GDA: variants seen among roughly 807,000 people sequenced by gnomAD.
The protein encoded by GDA is guanine deaminase, also known as cytoplasmic PSD-95 interactor.
GDA carries 18 observed loss-of-function variants against 59.6 expected under a neutral mutation model. The observed-to-expected ratio is 0.30, with a 90% CI of 0.21 to 0.45. GDA has a LOEUF of 0.45. Ranked by LOEUF, GDA falls within the 20% of genes least tolerant of loss-of-function variation. The pLI, the probability that GDA is intolerant of heterozygous loss-of-function variation, is 1.00. For synonymous variants in GDA, 201 were observed against 201.1 expected, an observed-to-expected ratio of 1.00 and a Z score of 0.00; for missense variants, 427 against 552.3, an observed-to-expected ratio of 0.77 and a Z score of 2.27.
At chr9:72,146,743 C>T (rs375732960), upstream of GDA, among the ~76,000 whole-genome samples, 1 of 152,202 alleles carries the variant, frequency 6.6e-6, no homozygotes, top group Middle Eastern at 3.2e-3. Flanking sequence ...CCGCCCTCCT[C>T]AGCCTCCCAA....
intron 1 of GDA, among the ~76,000 whole-genome samples, chr9:72,178,543 G>A (rs775097903): frequency 6.7e-6 from 1 of 149,924 alleles, no homozygotes. Context: ...CTAGCCTCCC[G>A]AGTAGCTGGG....
At chr9:72,242,101 T>A (rs1423065878) in intron 11 of GDA, among the ~76,000 whole-genome samples, 3 of 152,216 alleles carry the variant, frequency 2.0e-5, no homozygotes, top group Admixed American at 6.5e-5. Flanking sequence ...ACAAGAAGCC[T>A]GAGTGAGGCT....
intron 2 of GDA, among the ~76,000 whole-genome samples, chr9:72,197,093 G>A (rs1156888228): frequency 1.3e-5 from 2 of 152,138 alleles, no homozygotes; most frequent in East Asian, 1.9e-4. Flanking sequence ...ATTGAACTAG[G>A]AATGAAAATA....
chr9:72,187,865 G>C (rs552970438), intron 1 of GDA, among the ~76,000 whole-genome samples: 5 of 152,308 alleles, frequency 3.3e-5, no homozygotes, highest in African/African-American at 7.2e-5. Context: ...TGAGAAACAA[G>C]GTATTGGAAA....
chr9:72,187,314 A>T (rs1428469808), intron 1 of GDA, among the ~76,000 whole-genome samples: 2 of 152,158 alleles, frequency 1.3e-5, no homozygotes, highest in East Asian at 3.9e-4. Context: ...TCATAAATGG[A>T]TTAATCTTGT....
intron 1 of GDA, among the ~76,000 whole-genome samples, chr9:72,133,308 A>AAAAAAAAAAAAAT (rs767205305): frequency 3.0e-5 from 3 of 101,558 alleles, no homozygotes; most frequent in Non-Finnish European, 4.2e-5. Context: ...AAAAAAAAAA[A>AAAAAAAAAAAAAT]AATAATAATA....
intron 1 of GDA, among the ~76,000 whole-genome samples, chr9:72,121,764 A>G (rs1825670135): frequency 6.6e-6 from 1 of 152,098 alleles, no homozygotes; most frequent in Admixed American, 6.5e-5. Context: ...GCACATCTCA[A>G]CGCATGGAAG....
chr9:72,192,185 T>G (rs1435867396), intron 1 of GDA, among the ~76,000 whole-genome samples: 1 of 151,522 alleles, frequency 6.6e-6, no homozygotes, highest in Non-Finnish European at 1.5e-5. Context: ...TTTATTCTTT[T>G]TATTTTTGTC....
rs76776202 is a variant in GDA, at chr9:72,214,222, C to T, written c.578+231C>T. On this transcript the variant is annotated intron_variant, in intron 5 of 13. Transcript: ENST00000358399. ...AAGAGCTTTCCTTTGTAGTGCCACACTTGATCCTCATAGAAATCTCCATGA... is the reference window on the plus strand; with the variant it reads ...AAGAGCTTTCCTTTGTAGTGCCACATTTGATCCTCATAGAAATCTCCATGA... Among the ~76,000 whole-genome samples, 1,149 of 152,258 alleles carry T rather than the reference C, an allele frequency of 7.5e-3. 12 individuals are homozygous for T. The highest frequency in any genetic ancestry group is 0.027 in the African/African-American group (1,103 of 41,570).
At chr9:72,185,105 T>C (rs972030733) in intron 1 of GDA, among the ~76,000 whole-genome samples, 1 of 152,256 alleles carries the variant, frequency 6.6e-6, no homozygotes, top group African/African-American at 2.4e-5. Context: ...CATTTGCTAC[T>C]ATATTGTCTA....
chr9:72,135,624 G>C (rs893236440), intron 1 of GDA, among the ~76,000 whole-genome samples: 1 of 152,096 alleles, frequency 6.6e-6, no homozygotes, highest in African/African-American at 2.4e-5. Context: ...CCTCGATCAA[G>C]CTCTTGTGAC....
At chr9:72,118,874 T>C (rs918764161) in intron 1 of GDA, among the ~76,000 whole-genome samples, 10 of 152,228 alleles carry the variant, frequency 6.6e-5, no homozygotes, top group African/African-American at 2.4e-4. Context: ...TCTGCTTTCC[T>C]ACGCCTCAGG....
At chr9:72,151,590 AT>A (rs200048097) in intron 1 of GDA, among the ~76,000 whole-genome samples, 56 of 148,798 alleles carry the variant, frequency 3.8e-4, no homozygotes, top group African/African-American at 1.1e-3. Context: ...ATGATCTGTA[AT>A]TTTTTTTTTG....
intron 1 of GDA, among the ~76,000 whole-genome samples, chr9:72,133,098 G>A (rs1380547040): frequency 1.3e-5 from 2 of 151,506 alleles, no homozygotes; most frequent in African/African-American, 2.4e-5. Flanking sequence ...AGACCATCCC[G>A]GCCAACATCG....
upstream of GDA, among the ~76,000 whole-genome samples, chr9:72,148,523 A>G (rs538951043): frequency 2.0e-5 from 3 of 152,262 alleles, no homozygotes; most frequent in East Asian, 3.9e-4. Context: ...TTTGAGACAA[A>G]TCAGTGGTGA....
intron 1 of GDA, among the ~76,000 whole-genome samples, chr9:72,154,945 C>T (rs936905084): frequency 3.3e-5 from 5 of 152,194 alleles, no homozygotes; most frequent in Admixed American, 1.3e-4. Flanking sequence ...AAATACTGCC[C>T]TGCCCTCTTG....
At chr9:72,114,648 G>C (rs957171752) in exon 1 of GDA, 2 of 151,524 alleles carry the variant, frequency 1.3e-5, no homozygotes, top group African/African-American at 4.8e-5. Flanking sequence ...CCGCTACAAC[G>C]CCCGGCTAAT....
intron 13 of GDA, 98 bp downstream of exon 13, chr9:72,247,531 A>C: frequency 1.5e-6 from 1 of 681,180 alleles, no homozygotes; most frequent in Non-Finnish European, 2.6e-6. Flanking sequence ...CATATATTAA[A>C]CTCTGTGGAT....
At position 72,249,028 on chromosome 9, in the gene GDA, A is replaced by G. The variant is rs1230822339; in HGVS notation, c.*686A>G. On this transcript the variant is annotated 3_prime_UTR_variant, in exon 14 of 14. Coordinates refer to ENST00000358399, the MANE Select transcript of GDA (RefSeq NM_004293.5). ...TTCATAATATAGTTTTGTGCTTCAA[A>G]GTGTTTGACAGAAGTTGGGTATTAA... The G allele has an allele frequency of 2.0e-6, 2 of 985,308 alleles. No homozygotes were observed. The highest frequency in any genetic ancestry group is 3.5e-5 in the African/African-American group (2 of 57,230). The allele number at this position is 985,308 out of a possible 1,614,324, so 61.0% of individuals were successfully genotyped here.
Sources: allele counts gnomAD v4.1 joint callset (sites outside exome capture counted in the v4.1 genomes callset), GRCh38; gene constraint gnomAD v4.1.1; transcripts MANE v1.5; gene names NCBI Gene and HGNC (gene_info 2026-07-23, HGNC 2026-07-21).